The following TNRC6B variants were observed in gnomAD, a reference collection of about 807,000 sequenced individuals.
The protein encoded by TNRC6B is trinucleotide repeat containing adaptor 6B, also known as trinucleotide repeat-containing gene 6B protein.
In TNRC6B, 52 loss-of-function variants were observed where a neutral mutation model predicts 203.6. That is an observed-to-expected ratio of 0.26 (90% CI 0.20 to 0.32). The LOEUF (loss-of-function observed/expected upper bound fraction) is 0.32, where lower values mean the gene tolerates loss of function less well. Ranked by LOEUF, TNRC6B falls within the 10% of genes least tolerant of loss-of-function variation. The pLI is 1.00. For missense variants in TNRC6B, 1,923 were observed against 2,286.2 expected, an observed-to-expected ratio of 0.84 and a Z score of 3.24; for synonymous variants, 838 against 845.7, an observed-to-expected ratio of 0.99 and a Z score of 0.16.
rs2070489439 is a variant in TNRC6B at position 40,266,880 on chromosome 22, A to G, written c.2650A>G (p.Ser884Gly). Reference sequence around the variant, plus strand: ...GGAAGAGCCATCCCCACAGTCAATTAGTCGGAAAATGGACATTGATGATGG... The same window carrying G: ...GGAAGAGCCATCCCCACAGTCAATTGGTCGGAAAATGGACATTGATGATGG... ...GWEEPSPQSI[S>G]RKMDIDDGTS... is the part of the protein sequence containing the mutation. Residue 884 changes from serine to glycine, a missense_variant, in exon 5 of 23, where the codon AGT becomes GGT. By Grantham distance (56) the Ser-to-Gly change is moderately conservative. Transcript: ENST00000454349. 6.2e-7 allele frequency: 1 copy of G among 1,614,016 alleles called. No individual in the cohort carries two copies. Among genetic ancestry groups the G allele is most frequent in the Non-Finnish European group, 8.5e-7 (1 of 1,179,896 alleles).
chr22:40,153,434 C>T (rs1013360613), intron 3 of TNRC6B, among the ~76,000 whole-genome samples: 4 of 151,690 alleles, frequency 2.6e-5, no homozygotes, highest in East Asian at 3.9e-4. Flanking sequence ...GTCTCCAAGG[C>T]GGAGTGAAAC....
At chr22:40,303,040 C>G (rs1601506933) in intron 15 of TNRC6B, among the ~76,000 whole-genome samples, 1 of 142,520 alleles carries the variant, frequency 7.0e-6, no homozygotes, top group African/African-American at 2.7e-5. Context: ...TCTTCTTCTT[C>G]TTCTTCTTTT....
chr22:40,218,036 G>C (rs2069658419), intron 1 of TNRC6B, among the ~76,000 whole-genome samples: 1 of 150,932 alleles, frequency 6.6e-6, no homozygotes. Flanking sequence ...GCTTTAAAGA[G>C]GACAAAACCT....
intron 1 of TNRC6B, among the ~76,000 whole-genome samples, chr22:40,072,193 A>G (rs1010429848): frequency 1.8e-4 from 27 of 152,350 alleles, no homozygotes; most frequent in African/African-American, 6.5e-4. Context: ...TATTATTCAG[A>G]CACAGAGATT....
rs2068516327 is a variant in TNRC6B at position 40,128,693 on chromosome 22, T to C, written c.45+2831T>C. 2.0e-5 allele frequency among the ~76,000 whole-genome samples: 3 copies of C among 147,268 alleles called. No homozygotes were observed. In the South Asian group the frequency reaches 6.4e-4, roughly 31 times the overall value. On this transcript the variant is annotated intron_variant, in intron 3 of 23. Coordinates refer to the TNRC6B transcript ENST00000301923. ...TGTGTGCCACCACACCTGGCTCTCT[T>C]TTTTTTTTTGGTAGAGACAGAGTCT...
intron 1 of TNRC6B, chr22:40,106,379 T>C: frequency 8.2e-7 from 1 of 1,223,782 alleles, no homozygotes; most frequent in Non-Finnish European, 1.2e-6. Context: ...CATCTCCACC[T>C]TCTACAAAAT....
chr22:40,070,347 T>G (rs1256055733), intron 1 of TNRC6B, among the ~76,000 whole-genome samples: 1 of 152,208 alleles, frequency 6.6e-6, no homozygotes, highest in Non-Finnish European at 1.5e-5. Flanking sequence ...AAATTGGGAT[T>G]TATTAACTTT....
Position 40,264,771 on chromosome 22 carries a change from C to G in TNRC6B, c.541C>G (p.Pro181Ala), listed in dbSNP as rs752834177. 2 of 1,613,638 alleles carry G rather than the reference C, an allele frequency of 1.2e-6. No homozygotes were observed. Among genetic ancestry groups the G allele is most frequent in the South Asian group, 2.2e-5 (2 of 91,034 alleles). ...SGASSNNGTS[P>A]NPIHIWDKVI... is the part of the protein sequence containing the mutation. Reference sequence around the variant, plus strand: ...AGCCTCCTCCAACAACGGCACCTCCCCCAACCCAATTCACATCTGGGACAA... The same window carrying G: ...AGCCTCCTCCAACAACGGCACCTCCGCCAACCCAATTCACATCTGGGACAA... The change falls in exon 5 of 23, where the codon CCC becomes GCC. Residue 181 changes from proline (P) to alanine (A), a missense_variant. Pro to Ala is a conservative substitution (Grantham distance 27). Transcript: ENST00000454349.
In TNRC6B at chr22:40,265,859, C is replaced by G; in HGVS notation, c.1629C>G (p.Gly543=). Residue 543 remains glycine, a synonymous_variant, in exon 5 of 23, where the codon GGC becomes GGG. Coordinates refer to ENST00000454349, the MANE Select transcript of TNRC6B (RefSeq NM_001162501.2). ...SSTGAWDNQK[G]HPLPENQGNA... The stretch of plus-strand genomic sequence containing the variant: ...CTGGAGCATGGGACAATCAAAAGGG[C>G]CACCCCCTCCCTGAAAACCAAGGCA... The G allele has an allele frequency of 6.2e-7, 1 of 1,613,968 alleles. No individual in the cohort carries two copies. The highest frequency in any genetic ancestry group is 8.5e-7 in the Non-Finnish European group (1 of 1,179,902).
At chr22:40,064,986 G>C (rs1203032577) in intron 1 of TNRC6B, among the ~76,000 whole-genome samples, 1 of 151,652 alleles carries the variant, frequency 6.6e-6, no homozygotes, top group Admixed American at 6.6e-5. Context: ...TCACATCTAT[G>C]TTCATAAGAG....
intron 12 of TNRC6B, among the ~76,000 whole-genome samples, chr22:40,293,651 T>C (rs1390126243): frequency 6.6e-6 from 1 of 151,838 alleles, no homozygotes; most frequent in Non-Finnish European, 1.5e-5. Context: ...TGGGGAATAA[T>C]GGGTTCTTGC....
chr22:40,100,947 T>C (rs1032905073), intron 1 of TNRC6B, among the ~76,000 whole-genome samples: 1 of 151,700 alleles, frequency 6.6e-6, no homozygotes, highest in Non-Finnish European at 1.5e-5. Flanking sequence ...TCTCAGCAGG[T>C]CCCCAAGTTC....
intron 3 of TNRC6B, among the ~76,000 whole-genome samples, chr22:40,252,347 G>C (rs572992503): frequency 6.6e-6 from 1 of 152,342 alleles, no homozygotes; most frequent in South Asian, 2.1e-4. Context: ...AATTAGATGT[G>C]ACTGTGATGA....
At position 40,089,874 on chromosome 22, in the gene TNRC6B, A is replaced by G. The variant is rs1047257709; in HGVS notation, c.-120-27181A>G. On this transcript the variant is annotated intron_variant, in intron 1 of 23. Transcript: ENST00000301923. ...CCCTCCATCTCCCTGTCTTCTGGCA[A>G]CCACTGATCTTTTTACTGTCTCCGT... is the stretch of plus-strand genomic sequence containing the variant. 2.0e-5 allele frequency among the ~76,000 whole-genome samples: 3 copies of G among 152,298 alleles called. No homozygotes were observed. The East Asian group carries it at 5.8e-4, about 29-fold the overall frequency.
At chr22:40,270,358 C>T (rs1392386259) in intron 6 of TNRC6B, 78 bp downstream of exon 6, 3 of 1,306,186 alleles carry the variant, frequency 2.3e-6, no homozygotes, top group African/African-American at 1.6e-5. Flanking sequence ...CACTCTTGTC[C>T]ACCCAGGCTG....
intron 21 of TNRC6B, among the ~76,000 whole-genome samples, 157 bp downstream of exon 21, chr22:40,316,169 A>G (rs2071255031): frequency 6.6e-6 from 1 of 152,116 alleles, no homozygotes; most frequent in Non-Finnish European, 1.5e-5. Context: ...CCTGGCTAAC[A>G]TGGTGAAACC....
chr22:40,320,555 G>C (rs2071321631), intron 21 of TNRC6B, among the ~76,000 whole-genome samples: 1 of 152,198 alleles, frequency 6.6e-6, no homozygotes, highest in East Asian at 1.9e-4. Flanking sequence ...CCAACTCATA[G>C]GTTAGGAAAA....
At chr22:40,136,872 C>T (rs1167738042) in intron 3 of TNRC6B, among the ~76,000 whole-genome samples, 1 of 152,088 alleles carries the variant, frequency 6.6e-6, no homozygotes, top group Non-Finnish European at 1.5e-5. Flanking sequence ...TTATCATTAT[C>T]AAAGGCAGCA....
intron 3 of TNRC6B, chr22:40,253,521 T>C (rs557790392): frequency 4.9e-5 from 22 of 450,644 alleles, no homozygotes; most frequent in Non-Finnish European, 7.5e-5. Context: ...TTTTTTCCAA[T>C]TGGGGGCTTT....
Sources: allele counts gnomAD v4.1 joint callset (sites outside exome capture counted in the v4.1 genomes callset), GRCh38; gene constraint gnomAD v4.1.1; transcripts MANE v1.5; gene names NCBI Gene and HGNC (gene_info 2026-07-23, HGNC 2026-07-21).